Variants in PCDH11X observed in about 807,000 individuals in gnomAD.
PCDH11X encodes the protein protocadherin-11 X-linked.
Under a neutral mutation model 53.3 loss-of-function variants are expected in PCDH11X, and 18 were observed. The ratio of observed to expected loss-of-function variants is 0.34; its 90% CI spans 0.23 to 0.50. The LOEUF (loss-of-function observed/expected upper bound fraction) is 0.50. PCDH11X is among the 20% of genes least tolerant of loss of function. The pLI is 0.98. For synonymous variants in PCDH11X, 279 were observed against 393.3 expected (o/e 0.71, Z 3.44); for missense variants, 570 against 1,032.4 (o/e 0.55, Z 6.14).
intron 5 of PCDH11X, among the ~76,000 whole-genome samples, chrX:91,857,392 C>T (rs889493644): frequency 9.0e-6 from 1 of 111,363 alleles, no homozygotes; most frequent in African/African-American, 3.3e-5. Context: ...TGGCCCCTCC[C>T]AGAACTCATG....
At chrX:92,553,265 G>A in intron 10 of PCDH11X, among the ~76,000 whole-genome samples, 1 of 103,608 alleles carries the variant, frequency 9.7e-6, no homozygotes. Flanking sequence ...CTTGTTATTT[G>A]TCTGTTCGGG....
chrX:91,838,571 A>G (rs1225937892), intron 5 of PCDH11X, among the ~76,000 whole-genome samples: 2 of 110,940 alleles, frequency 1.8e-5, no homozygotes, highest in African/African-American at 3.3e-5. Flanking sequence ...CATATATGCT[A>G]TGGGAAAGGA....
At chrX:92,547,429 T>C (rs962538504) in intron 10 of PCDH11X, among the ~76,000 whole-genome samples, 9 of 109,542 alleles carry the variant, frequency 8.2e-5, no homozygotes, top group African/African-American at 3.0e-4. Context: ...CAGATTCTAC[T>C]TCTCACCTGG....
intron 10 of PCDH11X, among the ~76,000 whole-genome samples, chrX:92,539,888 T>C (rs1350127319): frequency 9.0e-6 from 1 of 111,202 alleles, no homozygotes; most frequent in East Asian, 2.9e-4. Context: ...TCATGTTGTC[T>C]TCCCTTACCT....
rs1406811865 is a variant in PCDH11X, at chrX:92,598,205, A to T, written c.3368-20059A>T. On this transcript the variant is annotated intron_variant, in intron 10 of 10. Transcript: ENST00000682573. ...CAAATGGAATCATATCCAGTTAAGA[A>T]GCTTCTGCACAGCAAATAAAACAAT... 4.5e-5 allele frequency among the ~76,000 whole-genome samples: 5 copies of T among 111,298 alleles called. No homozygotes were observed. In the Admixed American group the frequency reaches 4.8e-4, roughly 11 times the overall value.
chrX:91,844,668 TTAAATAGGTCTTAAAA>T (rs1395995987), intron 5 of PCDH11X, among the ~76,000 whole-genome samples: 8 of 107,092 alleles, frequency 7.5e-5, no homozygotes, highest in African/African-American at 2.7e-4. Flanking sequence ...TTATTCTAAA[TTAAATAGGTCTTAAAA>T]TATCCTTTTT....
chrX:92,346,405 T>C (rs1264308958), intron 8 of PCDH11X, among the ~76,000 whole-genome samples: 2 of 111,045 alleles, frequency 1.8e-5, no homozygotes, highest in Non-Finnish European at 3.8e-5. Context: ...AATAATAGAA[T>C]ACTCTATAAC....
rs1318759110 is a variant in PCDH11X at position 91,863,881 on chromosome X, C to T, written c.541-12900C>T. 1.6e-3 allele frequency among the ~76,000 whole-genome samples: 174 copies of T among 111,797 alleles called. 1 individual carries two copies. The highest frequency in any genetic ancestry group is 4.2e-3 in the Admixed American group (44 of 10,534). On this transcript the variant is annotated intron_variant, in intron 5 of 10. Transcript: ENST00000682573. Reference sequence around the variant, plus strand: ...CATAAACTGACAATCAAAAAGAAAACTAATAAAAATTCTACACCTTAACTT... The same window carrying T: ...CATAAACTGACAATCAAAAAGAAAATTAATAAAAATTCTACACCTTAACTT...
chrX:92,206,143 C>T (rs962406795), intron 7 of PCDH11X, among the ~76,000 whole-genome samples: 3 of 111,480 alleles, frequency 2.7e-5, no homozygotes, highest in African/African-American at 9.8e-5. Context: ...TAAGATAGAC[C>T]ATAGACTGAT....
At chrX:92,580,327 G>C (rs1262631702) in intron 10 of PCDH11X, among the ~76,000 whole-genome samples, 4 of 106,003 alleles carry the variant, frequency 3.8e-5, no homozygotes, top group Admixed American at 9.8e-5. Flanking sequence ...ACTTCCCAGA[G>C]CCAGCAGGCA....
At chrX:92,306,723 C>CTT (rs1856678229) in intron 8 of PCDH11X, among the ~76,000 whole-genome samples, 2 of 110,730 alleles carry the variant, frequency 1.8e-5, no homozygotes, top group Non-Finnish European at 3.8e-5. Flanking sequence ...GGGCAGATCA[C>CTT]AAGGTCAGGA....
intron 7 of PCDH11X, among the ~76,000 whole-genome samples, chrX:92,254,617 C>G (rs1379033660): frequency 6.4e-5 from 7 of 109,418 alleles, no homozygotes; most frequent in South Asian, 4.1e-4. Flanking sequence ...CCTTTAGGAG[C>G]TCTTTTAGGG....
chrX:92,094,819 G>C (rs1358082780), intron 6 of PCDH11X, among the ~76,000 whole-genome samples: 1 of 111,807 alleles, frequency 8.9e-6, no homozygotes, highest in African/African-American at 3.2e-5. Flanking sequence ...TGTACTTGGA[G>C]AATATTTTGA....
At chrX:92,237,677 A>T (rs2067195733) in intron 7 of PCDH11X, among the ~76,000 whole-genome samples, 1 of 111,324 alleles carries the variant, frequency 9.0e-6, no homozygotes, top group Admixed American at 9.7e-5. Context: ...CACCTCTAAC[A>T]AGTACCCCCT....
At position 92,014,300 on chromosome X, in the gene PCDH11X, G is replaced by A. The variant is rs183162534; in HGVS notation, c.3033+135027G>A. On this transcript the variant is annotated intron_variant, in intron 6 of 10. Coordinates refer to ENST00000682573, the MANE Select transcript of PCDH11X (RefSeq NM_032968.5). Reference sequence around the variant, plus strand: ...CATGAAAAAATGCTCATCATCACTGGCCATCAGAGAAATGCAAGTCAAAAT... The same window carrying A: ...CATGAAAAAATGCTCATCATCACTGACCATCAGAGAAATGCAAGTCAAAAT... 5.8e-3 allele frequency among the ~76,000 whole-genome samples: 647 copies of A among 112,077 alleles called. 7 individuals are homozygous for A. The highest frequency in any genetic ancestry group is 0.02 in the African/African-American group (611 of 30,845).
At chrX:92,484,688 G>A (rs1302601335) in intron 10 of PCDH11X, among the ~76,000 whole-genome samples, 6 of 110,324 alleles carry the variant, frequency 5.4e-5, no homozygotes, top group South Asian at 3.8e-4. Flanking sequence ...CTATGAGGAC[G>A]CAAAGACATA....
chrX:92,166,449 ACTTT>A (rs772838938), intron 6 of PCDH11X, among the ~76,000 whole-genome samples: 1 of 107,182 alleles, frequency 9.3e-6, no homozygotes, highest in East Asian at 2.9e-4. Flanking sequence ...ACAATCCTAT[ACTTT>A]CTGTCATATT....
At chrX:92,579,444 C>T (rs192680107) in intron 10 of PCDH11X, among the ~76,000 whole-genome samples, 4 of 108,739 alleles carry the variant, frequency 3.7e-5, no homozygotes, top group African/African-American at 1.3e-4. Flanking sequence ...TTATTCATTC[C>T]TTTTTATTCT....
At chrX:92,374,748 C>T (rs1659040937) in intron 8 of PCDH11X, among the ~76,000 whole-genome samples, 1 of 110,990 alleles carries the variant, frequency 9.0e-6, no homozygotes, top group African/African-American at 3.3e-5. Context: ...AAATGTTACA[C>T]TGTTGCCATT....
Sources: allele counts gnomAD v4.1 joint callset (sites outside exome capture counted in the v4.1 genomes callset), GRCh38; gene constraint gnomAD v4.1.1; transcripts MANE v1.5; gene names NCBI Gene and HGNC (gene_info 2026-07-23, HGNC 2026-07-21).